CRYBG3: variants seen among roughly 807,000 people sequenced by gnomAD.
CRYBG3 encodes very large A-kinase anchor protein.
CRYBG3 carries 127 observed loss-of-function variants against 244.2 expected under a neutral mutation model. That is an observed-to-expected ratio of 0.52 (90% CI 0.45 to 0.60). The LOEUF (loss-of-function observed/expected upper bound fraction) is 0.60. CRYBG3 is among the 20% of genes least tolerant of loss of function. The probability of loss-of-function intolerance (pLI) is 0.00; values close to 1 mark genes in which losing one functional copy is unlikely to be tolerated. For synonymous variants in CRYBG3, 1,132 were observed against 1,195.8 expected (o/e 0.95, Z 1.10); for missense variants, 3,325 against 3,442.5 (o/e 0.97, Z 0.85).
chr3:97,907,497 T>G (rs1402043204), intron 15 of CRYBG3, among the ~76,000 whole-genome samples: 3 of 150,706 alleles, frequency 2.0e-5, no homozygotes, highest in Non-Finnish European at 3.0e-5. Flanking sequence ...GTCAAGGAAT[T>G]TATCCATTTC....
intron 18 of CRYBG3, among the ~76,000 whole-genome samples, chr3:97,936,574 C>T (rs1327781324): frequency 1.3e-5 from 2 of 152,010 alleles, no homozygotes; most frequent in Admixed American, 6.6e-5. Flanking sequence ...AGAAAGGAAA[C>T]CAGCATTGTA....
At position 97,876,135 on chromosome 3, in the gene CRYBG3, C is replaced by T; in HGVS notation, c.4941C>T (p.His1647=). The part of the protein sequence containing the change: ...IPMMPEVKNI[H]QKDAEGDIVK... ...TGATGCCAGAAGTGAAAAATATCCA[C>T]CAAAAGGATGCTGAAGGGGATATTG... The change falls in exon 4 of 22, where the codon CAC becomes CAT. Residue 1647 remains histidine, a synonymous_variant. Transcript: ENST00000389622. The T allele has an allele frequency of 8.1e-7, 1 of 1,231,652 alleles. No homozygotes were observed. The highest frequency in any genetic ancestry group is 1.0e-6 in the Non-Finnish European group (1 of 987,812). 76.3% of individuals were successfully genotyped at this position (1,231,652 alleles called of 1,614,324 possible).
chr3:97,850,991 G>A (rs1305189223), intron 2 of CRYBG3, among the ~76,000 whole-genome samples: 1 of 152,032 alleles, frequency 6.6e-6, no homozygotes, highest in African/African-American at 2.4e-5. Context: ...AATTAGTTGG[G>A]CATGATGGGC....
intron 1 of CRYBG3, among the ~76,000 whole-genome samples, chr3:97,835,916 A>G (rs1163269428): frequency 1.3e-5 from 2 of 152,150 alleles, no homozygotes; most frequent in Non-Finnish European, 2.9e-5. Flanking sequence ...GGTGAGTCAA[A>G]CATTCAGAAT....
chr3:97,878,051 T>G lies in CRYBG3; in HGVS notation c.6843+14T>G. 1 of 1,572,328 alleles carries G rather than the reference T, an allele frequency of 6.4e-7. No individual in the cohort carries two copies. The highest frequency in any genetic ancestry group is 8.6e-7 in the Non-Finnish European group (1 of 1,161,210). ...CCATTTATAGAGGTAAGTTATTTTGTTTATTGTATTAATAATAGTTATTAA... is the reference window on the plus strand; with the variant it reads ...CCATTTATAGAGGTAAGTTATTTTGGTTATTGTATTAATAATAGTTATTAA... On this transcript the variant is annotated intron_variant, in intron 4 of 21. Transcript: ENST00000389622.
chr3:97,926,781 C>T (rs1363003581), intron 17 of CRYBG3, among the ~76,000 whole-genome samples: 3 of 151,918 alleles, frequency 2.0e-5, no homozygotes, highest in Admixed American at 6.6e-5. Flanking sequence ...CGGTAACGTC[C>T]AAGCTGAGAG....
chr3:97,822,302 G>C lies in CRYBG3; in HGVS notation c.96G>C (p.Glu32Asp). The C allele has an allele frequency of 3.3e-6, 5 of 1,527,300 alleles. No individual in the cohort carries two copies. The highest frequency in any genetic ancestry group is 1.2e-5 in the South Asian group (1 of 82,914). 94.6% of individuals were successfully genotyped at this position (1,527,300 alleles called of 1,614,324 possible). A position where few individuals can be genotyped will look rare whatever the true frequency, so the allele number is the denominator to read the frequency against. ...RSPSRDKEEE[E>D]EERPGTSPPP... is the part of the protein sequence containing the mutation. Reference sequence around the variant, plus strand: ...CTTCCCGGGACAAGGAAGAGGAAGAGGAGGAGAGGCCGGGGACGAGCCCGC... The same window carrying C: ...CTTCCCGGGACAAGGAAGAGGAAGACGAGGAGAGGCCGGGGACGAGCCCGC... Residue 32 changes from glutamate to aspartate, a missense_variant, in exon 1 of 22, where the codon GAG (glutamate) becomes GAC (aspartate). By Grantham distance (45) the Glu-to-Asp change is conservative. Coordinates refer to ENST00000389622, the MANE Select transcript of CRYBG3 (RefSeq NM_153605.4).
chr3:97,932,798 C>A (rs950836503), intron 17 of CRYBG3, among the ~76,000 whole-genome samples: 39 of 152,156 alleles, frequency 2.6e-4, no homozygotes, highest in Middle Eastern at 3.4e-3. Flanking sequence ...CCATGTGTTT[C>A]TCTTGTCTTG....
Position 97,873,073 on chromosome 3 carries a change from T to C in CRYBG3, c.1879T>C (p.Ser627Pro). 1 of 1,534,862 alleles carries C rather than the reference T, an allele frequency of 6.5e-7. No individual in the cohort carries two copies. Among genetic ancestry groups the C allele is most frequent in the East Asian group, 2.4e-5 (1 of 40,904 alleles). Residue 627 changes from serine to proline, a missense_variant, in exon 4 of 22, where the codon TCT (serine) becomes CCT (proline). Transcript: ENST00000389622. ...RSHISETPLDSESPQQAEVSP... is the reference protein window; with the variant it reads ...RSHISETPLDPESPQQAEVSP... ...TCACATTTCAGAAACTCCTCTTGAC[T>C]CTGAGAGTCCTCAACAAGCTGAAGT... is the stretch of plus-strand genomic sequence containing the variant.
At position 97,864,390 on chromosome 3, in the gene CRYBG3, T is replaced by G; in HGVS notation, c.390T>G (p.Asn130Lys). 1 of 1,535,934 alleles carries G rather than the reference T, an allele frequency of 6.5e-7. No homozygotes were observed. Among genetic ancestry groups the G allele is most frequent in the Non-Finnish European group, 8.7e-7 (1 of 1,146,814 alleles). Reference sequence around the variant, plus strand: ...TTCAGTTTCTTGGTAACTTATTCAATATCTCGGGGAAATCATCTCTAGGTG... The same window carrying G: ...TTCAGTTTCTTGGTAACTTATTCAAGATCTCGGGGAAATCATCTCTAGGTG... Reference protein sequence around the residue: ...SFFQFLGNLFNISGKSSLGEA... With the variant: ...SFFQFLGNLFKISGKSSLGEA... The change falls in exon 3 of 22, where the codon AAT becomes AAG. Residue 130 changes from asparagine (N) to lysine (K), a missense_variant. Physicochemically the swap from Asn to Lys is moderately conservative, Grantham distance 94 (BLOSUM62 0). This residue lies in a region of CRYBG3 where 1,526 missense variants were observed against 1,443.2 expected (regional missense o/e 1.06). Transcript: ENST00000389622.
At chr3:97,827,473 A>T (rs1353688033) in intron 1 of CRYBG3, among the ~76,000 whole-genome samples, 2 of 152,214 alleles carry the variant, frequency 1.3e-5, no homozygotes, top group Non-Finnish European at 2.9e-5. Flanking sequence ...GTACAACTCC[A>T]TCCAGCAGGA....
At chr3:97,862,342 T>C (rs1326238812) in intron 2 of CRYBG3, among the ~76,000 whole-genome samples, 1 of 152,126 alleles carries the variant, frequency 6.6e-6, no homozygotes, top group Non-Finnish European at 1.5e-5. Context: ...TAAGACTCTT[T>C]TGCAAATTTT....
intron 10 of CRYBG3, among the ~76,000 whole-genome samples, chr3:97,890,033 A>G (rs2039557364): frequency 6.6e-6 from 1 of 152,208 alleles, no homozygotes. Flanking sequence ...GTATGGAAGC[A>G]GGGATTCATT....
chr3:97,892,770 T>G, intron 10 of CRYBG3, 90 bp from the exon 11 acceptor site: 1 of 588,798 alleles, frequency 1.7e-6, no homozygotes, highest in Non-Finnish European at 2.8e-6. Context: ...AAAAAATAGA[T>G]AGTAGTCCCT....
intron 3 of CRYBG3, among the ~76,000 whole-genome samples, chr3:97,868,299 A>T (rs867918362): frequency 1.3e-4 from 19 of 151,778 alleles, no homozygotes; most frequent in African/African-American, 3.4e-4. Flanking sequence ...AAAAAAAAAA[A>T]ATATTATTGA....
In CRYBG3 at chr3:97,892,582, G is replaced by C. The variant is rs562058275; in HGVS notation, c.7441-278G>C. On this transcript the variant is annotated intron_variant, in intron 10 of 21. Transcript: ENST00000389622. ...AGCAAAATTTGTGTTGCTCTGATAG[G>C]GGCTTTTTTCAAACTACTGTTTTGT... 2.0e-5 allele frequency among the ~76,000 whole-genome samples: 3 copies of C among 151,952 alleles called. No individual in the cohort carries two copies. The South Asian group carries it at 6.2e-4, about 32-fold the overall frequency.
chr3:97,870,408 TGTTAATTCACTTAGGATAATG>T (rs2039288000), intron 3 of CRYBG3, among the ~76,000 whole-genome samples: 1 of 152,200 alleles, frequency 6.6e-6, no homozygotes, highest in South Asian at 2.1e-4. Flanking sequence ...GGTTTTCCTG[TGTTAATTCACTTAGGATAATG>T]GCCTCCACTG....
At chr3:97,912,416 T>C (rs1490655401) in intron 16 of CRYBG3, 140 bp downstream of exon 16, 9 of 449,038 alleles carry the variant, frequency 2.0e-5, no homozygotes, top group Non-Finnish European at 3.2e-5. Flanking sequence ...TGGTCTATAT[T>C]AATTTTGCTT....
At chr3:97,909,083 C>T (rs2039829122) in intron 15 of CRYBG3, among the ~76,000 whole-genome samples, 1 of 152,180 alleles carries the variant, frequency 6.6e-6, no homozygotes, top group South Asian at 2.1e-4. Flanking sequence ...GCCCCCACTC[C>T]CCTCTGGCTT....
Sources: gnomAD v4.1 joint callset for allele counts (sites outside exome capture counted in the v4.1 genomes callset) on GRCh38, gnomAD v4.1.1 for gene constraint, gnomAD v4.1.1 regional missense constraint, MANE v1.5 for transcripts, NCBI Gene and HGNC (gene_info 2026-07-23, HGNC 2026-07-21) for gene names.